Variants in DIAPH3 observed in about 807,000 individuals in gnomAD.
DIAPH3 encodes diaphanous related formin 3.
In DIAPH3, 117 loss-of-function variants were observed where a neutral mutation model predicts 144.3. The ratio of observed to expected loss-of-function variants is 0.81; its 90% CI spans 0.70 to 0.95. DIAPH3 has a LOEUF of 0.95. Among genes scored for constraint, DIAPH3 ranks in the 40% least tolerant of loss-of-function variants. The pLI is 0.00. For synonymous variants in DIAPH3, 519 were observed against 488.9 expected (o/e 1.06, Z -0.81); for missense variants, 1,421 against 1,412.7 (o/e 1.01, Z -0.09).
chr13:59,979,002 C>T (rs899529701), intron 14 of DIAPH3, among the ~76,000 whole-genome samples: 1 of 151,666 alleles, frequency 6.6e-6, no homozygotes, highest in Non-Finnish European at 1.5e-5. Context: ...TAGCTTCCTG[C>T]CTAAAGCAAA....
rs545470620 is a variant in DIAPH3, at chr13:60,135,703, TAA to T, written c.181-2716_181-2715del. Among the ~76,000 whole-genome samples, 177 of 152,224 alleles carry T rather than the reference TAA, an allele frequency of 1.2e-3. 1 individual carries two copies. Among genetic ancestry groups the T allele is most frequent in the African/African-American group, 4.2e-3 (173 of 41,534 alleles). On this transcript the variant is annotated intron_variant, in intron 1 of 27. Transcript: ENST00000400324. Reference sequence around the variant, plus strand: ...TGTGTTTCTTTCTACACCAAAACAATAAAGTCAGAATAGGTTTCATTTCAAGA... The same window carrying T: ...TGTGTTTCTTTCTACACCAAAACAATAGTCAGAATAGGTTTCATTTCAAGA...
At chr13:59,929,959 T>A (rs1234442024) in intron 17 of DIAPH3, among the ~76,000 whole-genome samples, 18 of 152,206 alleles carry the variant, frequency 1.2e-4, no homozygotes, top group Admixed American at 1.2e-3. Flanking sequence ...GCAAGGTAAT[T>A]GCAAATAGAT....
At chr13:59,860,299 A>G (rs1208120446) in intron 22 of DIAPH3, among the ~76,000 whole-genome samples, 3 of 152,234 alleles carry the variant, frequency 2.0e-5, no homozygotes, top group African/African-American at 7.2e-5. Context: ...AGAGGTTATA[A>G]AGACAATTTC....
rs369426354 is a variant in DIAPH3 at position 59,802,566 on chromosome 13, G to A, written c.3163+8222C>T. 3.7e-5 allele frequency among the ~76,000 whole-genome samples: 5 copies of A among 135,302 alleles called. 1 individual carries two copies. The South Asian group carries it at 1.2e-3, about 33-fold the overall frequency. 88.8% of individuals were successfully genotyped at this position (135,302 alleles called of 152,430 possible). A position where few individuals can be genotyped will look rare whatever the true frequency, so the allele number is the denominator to read the frequency against. The stretch of plus-strand genomic sequence containing the variant: ...TTTGGCTATAGGAAGACAAGGAAAA[G>A]TTTTTTTTTTTTACTTCATGGTTTT... On this transcript the variant is annotated intron_variant, in intron 25 of 27. Transcript: ENST00000400324.
chr13:60,140,333 A>C (rs1026153964), intron 1 of DIAPH3, among the ~76,000 whole-genome samples: 1 of 152,254 alleles, frequency 6.6e-6, no homozygotes, highest in African/African-American at 2.4e-5. Context: ...TCTAGAATCC[A>C]TACTTGGGAA....
At chr13:59,751,861 A>G (rs1422949886) in intron 27 of DIAPH3, among the ~76,000 whole-genome samples, 2 of 152,256 alleles carry the variant, frequency 1.3e-5, no homozygotes, top group African/African-American at 4.8e-5. Context: ...CTCAGCCACC[A>G]TTCAATACCT....
At chr13:59,696,338 G>C (rs1174415018) in intron 27 of DIAPH3, 1 of 152,138 alleles carries the variant, frequency 6.6e-6, no homozygotes, top group Non-Finnish European at 1.5e-5. Flanking sequence ...ATAAAATTTA[G>C]AGCAATCTAA....
At chr13:59,790,632 A>G (rs1389911999) in intron 25 of DIAPH3, among the ~76,000 whole-genome samples, 1 of 152,088 alleles carries the variant, frequency 6.6e-6, no homozygotes, top group Non-Finnish European at 1.5e-5. Context: ...TTAAAATCCT[A>G]TTCAGAATAA....
At chr13:59,868,695 A>G (rs2044074669) in intron 21 of DIAPH3, among the ~76,000 whole-genome samples, 1 of 152,126 alleles carries the variant, frequency 6.6e-6, no homozygotes, top group South Asian at 2.1e-4. Context: ...ACCCTAAAAA[A>G]TTCTGTGTCT....
chr13:59,678,468 CT>C (rs2032762316), intron 27 of DIAPH3, among the ~76,000 whole-genome samples: 2 of 152,202 alleles, frequency 1.3e-5, no homozygotes, highest in African/African-American at 4.8e-5. Context: ...AGACAAGTGG[CT>C]TTCTTCCTTC....
At chr13:60,114,883 G>A (rs1453914488) in intron 2 of DIAPH3, among the ~76,000 whole-genome samples, 1 of 152,100 alleles carries the variant, frequency 6.6e-6, no homozygotes, top group Non-Finnish European at 1.5e-5. Flanking sequence ...AAGAAAGGTA[G>A]GGTTGACTCT....
intron 27 of DIAPH3, among the ~76,000 whole-genome samples, chr13:59,669,443 T>C (rs896426313): frequency 6.6e-6 from 1 of 152,176 alleles, no homozygotes; most frequent in African/African-American, 2.4e-5. Context: ...AGAGAGCTCC[T>C]GCACGTGCCT....
intron 27 of DIAPH3, among the ~76,000 whole-genome samples, chr13:59,671,062 T>C (rs2032347951): frequency 6.6e-6 from 1 of 152,244 alleles, no homozygotes; most frequent in Non-Finnish European, 1.5e-5. Context: ...TCTTTTGTTA[T>C]CACCATTATT....
chr13:59,717,108 G>C (rs781506533), intron 27 of DIAPH3, among the ~76,000 whole-genome samples: 49 of 152,100 alleles, frequency 3.2e-4, no homozygotes, highest in South Asian at 8.3e-4. Context: ...CAAAAGATCT[G>C]CAATGCAGCA....
At chr13:59,767,565 T>C (rs1396330937) in intron 27 of DIAPH3, among the ~76,000 whole-genome samples, 1 of 152,090 alleles carries the variant, frequency 6.6e-6, no homozygotes, top group Non-Finnish European at 1.5e-5. Flanking sequence ...TGTCCATTGA[T>C]TCCTTATAAA....
chr13:59,725,017 G>T (rs569457965), intron 27 of DIAPH3, among the ~76,000 whole-genome samples: 3 of 152,126 alleles, frequency 2.0e-5, no homozygotes, highest in African/African-American at 7.2e-5. Context: ...GTTTTTAGTT[G>T]TTAAAAGTGT....
At position 60,148,877 on chromosome 13, in the gene DIAPH3, G is replaced by A. The variant is rs1370805712; in HGVS notation, c.180+14710C>T. On this transcript the variant is annotated intron_variant, in intron 1 of 27. Coordinates refer to ENST00000400324, the MANE Select transcript of DIAPH3 (RefSeq NM_001042517.2). ...CCCCAGCAACACTGTAGTATGTGTTGATTCACACCTCTCTTTCCCCATACC... is the reference window on the plus strand; with the variant it reads ...CCCCAGCAACACTGTAGTATGTGTTAATTCACACCTCTCTTTCCCCATACC... Among the ~76,000 whole-genome samples the A allele has an allele frequency of 2.6e-5, 4 of 152,294 alleles. 1 individual carries two copies. In the South Asian group the frequency reaches 8.3e-4, roughly 32 times the overall value.
intron 21 of DIAPH3, among the ~76,000 whole-genome samples, chr13:59,873,997 G>T (rs183467179): frequency 6.6e-6 from 1 of 152,282 alleles, no homozygotes; most frequent in East Asian, 1.9e-4. Flanking sequence ...AAGTGAAGAA[G>T]TAAAGTTGTT....
intron 7 of DIAPH3, among the ~76,000 whole-genome samples, chr13:60,015,355 A>G (rs2053566748): frequency 6.6e-6 from 1 of 152,090 alleles, no homozygotes; most frequent in Admixed American, 6.6e-5. Flanking sequence ...TTTATTCTCA[A>G]TATTACTTGG....
Sources: gnomAD v4.1 joint callset for allele counts (sites outside exome capture counted in the v4.1 genomes callset) on GRCh38, gnomAD v4.1.1 for gene constraint, MANE v1.5 for transcripts, NCBI Gene and HGNC (gene_info 2026-07-23, HGNC 2026-07-21) for gene names.